GNAO1: variants seen among roughly 807,000 people sequenced by gnomAD.
The protein encoded by GNAO1 is guanine nucleotide-binding protein G(o) subunit alpha.
For synonymous variants in GNAO1, 164 were observed against 180.7 expected, an observed-to-expected ratio of 0.91 and a Z score of 0.74; for missense variants, 166 against 478.7, an observed-to-expected ratio of 0.35 and a Z score of 6.10.
chr16:56,193,380 C>T (rs553073408), intron 2 of GNAO1: 1 of 153,884 alleles, frequency 6.5e-6, no homozygotes, highest in Non-Finnish European at 1.4e-5. Flanking sequence ...TCTCCTCCCC[C>T]ACCCTCCCAG....
intron 2 of GNAO1, among the ~76,000 whole-genome samples, chr16:56,261,131 A>T (rs1457094322): frequency 6.6e-6 from 1 of 152,184 alleles, no homozygotes; most frequent in Non-Finnish European, 1.5e-5. Context: ...GTTACCCTGG[A>T]GAGGAATGTG....
At chr16:56,225,951 A>G (rs1224249701) in intron 2 of GNAO1, among the ~76,000 whole-genome samples, 1 of 152,004 alleles carries the variant, frequency 6.6e-6, no homozygotes, top group Non-Finnish European at 1.5e-5. Context: ...TGGGGCAGCC[A>G]TGGAAAGGTG....
chr16:56,330,260 A>T (rs571942914), intron 4 of GNAO1, among the ~76,000 whole-genome samples: 138 of 152,098 alleles, frequency 9.1e-4, no homozygotes, highest in African/African-American at 3.1e-3. Flanking sequence ...CAAATCACAG[A>T]CCAGAGCTAG....
chr16:56,273,884 C>T (rs541075310), intron 2 of GNAO1, among the ~76,000 whole-genome samples: 103 of 152,260 alleles, frequency 6.8e-4, no homozygotes, highest in African/African-American at 2.2e-3. Flanking sequence ...CTCTGGGAAG[C>T]GTTCAACTGA....
chr16:56,309,002 G>A lies in GNAO1; in HGVS notation c.304-19629G>A, dbSNP rs1184767939. 2.0e-5 allele frequency among the ~76,000 whole-genome samples: 3 copies of A among 152,068 alleles called. No homozygotes were observed. The East Asian group carries it at 5.8e-4, about 29-fold the overall frequency. On this transcript the variant is annotated intron_variant, in intron 3 of 8. Coordinates refer to ENST00000262493, the MANE Select transcript of GNAO1 (RefSeq NM_020988.3). ...GGGTTTCCCTGAAGTTCATGTAGCTGGATGGGGCTTTAGAGGCTTGGGAGG... is the reference window on the plus strand; with the variant it reads ...GGGTTTCCCTGAAGTTCATGTAGCTAGATGGGGCTTTAGAGGCTTGGGAGG...
At chr16:56,295,967 C>A (rs2037284300) in intron 3 of GNAO1, among the ~76,000 whole-genome samples, 1 of 152,244 alleles carries the variant, frequency 6.6e-6, no homozygotes, top group African/African-American at 2.4e-5. Flanking sequence ...CTTCCCGTAC[C>A]TTCCAGAGCC....
At chr16:56,331,232 C>A (rs2037685325) in intron 4 of GNAO1, among the ~76,000 whole-genome samples, 1 of 152,162 alleles carries the variant, frequency 6.6e-6, no homozygotes, top group Non-Finnish European at 1.5e-5. Flanking sequence ...CTTGGTGCAC[C>A]CCGGCCTCTG....
chr16:56,263,004 G>A (rs1452013547), intron 2 of GNAO1, among the ~76,000 whole-genome samples: 2 of 152,216 alleles, frequency 1.3e-5, no homozygotes, highest in Admixed American at 6.5e-5. Context: ...GACAGCATAA[G>A]GCAGCTGTGT....
intron 6 of GNAO1, chr16:56,344,682 G>T: frequency 6.1e-6 from 6 of 985,594 alleles, no homozygotes; most frequent in Non-Finnish European, 7.2e-6. Flanking sequence ...GGGAAGGGAG[G>T]TGGAAGCTCC....
chr16:56,313,541 G>A (rs949865466), intron 3 of GNAO1, among the ~76,000 whole-genome samples: 6 of 151,970 alleles, frequency 3.9e-5, no homozygotes, highest in Admixed American at 2.0e-4. Context: ...GTTCTCACAC[G>A]TCTCTGCCTT....
intron 2 of GNAO1, among the ~76,000 whole-genome samples, chr16:56,239,723 C>T (rs2143422856): frequency 6.6e-6 from 1 of 152,294 alleles, no homozygotes; most frequent in East Asian, 1.9e-4. Flanking sequence ...AATATGGCAA[C>T]CACTTCACAT....
intron 3 of GNAO1, among the ~76,000 whole-genome samples, chr16:56,310,794 C>G (rs1293009450): frequency 6.6e-6 from 1 of 152,062 alleles, no homozygotes; most frequent in Non-Finnish European, 1.5e-5. Flanking sequence ...TAGGTTATTT[C>G]TTGCTCATCT....
At chr16:56,235,424 A>G (rs780834974) in intron 2 of GNAO1, 16 of 455,856 alleles carry the variant, frequency 3.5e-5, no homozygotes, top group South Asian at 2.3e-4. Context: ...GCGGGACACT[A>G]CGCAGTCCAG....
intron 2 of GNAO1, among the ~76,000 whole-genome samples, chr16:56,275,568 G>A (rs1439601610): frequency 1.3e-5 from 2 of 151,998 alleles, no homozygotes; most frequent in African/African-American, 2.4e-5. Flanking sequence ...TATGCCTCTG[G>A]GTGTACACCT....
chr16:56,267,684 A>G (rs182959778), intron 2 of GNAO1, among the ~76,000 whole-genome samples: 1 of 152,200 alleles, frequency 6.6e-6, no homozygotes, highest in East Asian at 1.9e-4. Flanking sequence ...CCTTATTCCC[A>G]TTATGATTTA....
At chr16:56,250,139 A>G (rs752289200) in intron 2 of GNAO1, among the ~76,000 whole-genome samples, 1 of 152,234 alleles carries the variant, frequency 6.6e-6, no homozygotes, top group Non-Finnish European at 1.5e-5. Flanking sequence ...GCATGAGCAG[A>G]GGCACAGAAG....
chr16:56,332,069 C>T (rs1434606599), intron 4 of GNAO1, among the ~76,000 whole-genome samples: 1 of 152,122 alleles, frequency 6.6e-6, no homozygotes, highest in Non-Finnish European at 1.5e-5. Flanking sequence ...TCCACAGCCA[C>T]CCCCACTGTG....
intron 2 of GNAO1, among the ~76,000 whole-genome samples, chr16:56,243,090 T>C (rs1347071474): frequency 6.6e-6 from 1 of 151,934 alleles, no homozygotes; most frequent in African/African-American, 2.4e-5. Flanking sequence ...CCTGATGATC[T>C]GTCACTGTCT....
intron 2 of GNAO1, among the ~76,000 whole-genome samples, chr16:56,209,807 T>A (rs1324594249): frequency 6.6e-6 from 1 of 152,020 alleles, no homozygotes; most frequent in Non-Finnish European, 1.5e-5. Flanking sequence ...CATACGTCCC[T>A]CCCCACACAC....
Sources: gnomAD v4.1 joint callset for allele counts (sites outside exome capture counted in the v4.1 genomes callset) on GRCh38, gnomAD v4.1.1 for gene constraint, MANE v1.5 for transcripts, NCBI Gene and HGNC (gene_info 2026-07-23, HGNC 2026-07-21) for gene names.